WWOX: variants seen among roughly 807,000 people sequenced by gnomAD.
WWOX encodes WW domain containing oxidoreductase, also known as WW domain-containing oxidoreductase.
WWOX carries 69 observed loss-of-function variants against 46.2 expected under a neutral mutation model. The ratio of observed to expected loss-of-function variants is 1.49; its 90% CI spans 1.23 to 1.82. The LOEUF is 1.82. WWOX is among the 40% of genes most tolerant of loss of function. WWOX has a pLI of 0.00. For missense variants in WWOX, 919 were observed against 542.6 expected (o/e 1.69, Z -6.89); for synonymous variants, 359 against 202.6 (o/e 1.77, Z -6.56).
chr16:78,741,099 G>A (rs373119227), intron 8 of WWOX, among the ~76,000 whole-genome samples: 12 of 152,246 alleles, frequency 7.9e-5, no homozygotes, highest in African/African-American at 2.9e-4. Context: ...CTGAAACACA[G>A]TCATGCCTGT....
intron 8 of WWOX, among the ~76,000 whole-genome samples, chr16:78,751,436 A>T (rs1374804533): frequency 2.8e-5 from 4 of 140,506 alleles, no homozygotes; most frequent in Middle Eastern, 3.6e-3. Flanking sequence ...TATATTTATC[A>T]GATTATATAT....
At chr16:78,771,702 G>A (rs1003579125) in intron 8 of WWOX, among the ~76,000 whole-genome samples, 1 of 152,058 alleles carries the variant, frequency 6.6e-6, no homozygotes, top group African/African-American at 2.4e-5. Context: ...AGCCTAGGAG[G>A]TGGAGGTTGC....
chr16:78,742,203 A>T (rs752565701), intron 8 of WWOX, among the ~76,000 whole-genome samples: 5 of 152,202 alleles, frequency 3.3e-5, no homozygotes, highest in Non-Finnish European at 7.3e-5. Context: ...CAGTGTACAA[A>T]TACTAGGGGT....
chr16:79,020,029 C>A (rs748269582), intron 8 of WWOX, among the ~76,000 whole-genome samples: 5 of 152,206 alleles, frequency 3.3e-5, no homozygotes, highest in Non-Finnish European at 5.9e-5. Flanking sequence ...CATGCCTTAT[C>A]TGACATGTGG....
intron 8 of WWOX, among the ~76,000 whole-genome samples, chr16:78,680,998 C>T (rs1464039860): frequency 1.3e-5 from 2 of 152,052 alleles, no homozygotes; most frequent in East Asian, 1.9e-4. Flanking sequence ...CCTGTAATCC[C>T]AGCACTTTGG....
intron 5 of WWOX, among the ~76,000 whole-genome samples, chr16:78,243,371 A>G (rs1328192663): frequency 6.6e-6 from 1 of 152,082 alleles, no homozygotes; most frequent in Non-Finnish European, 1.5e-5. Flanking sequence ...CATTTTTTAA[A>G]AAACTTTAGT....
chr16:78,750,877 C>G lies in WWOX; in HGVS notation c.1056+318125C>G, dbSNP rs561588952. On this transcript the variant is annotated intron_variant, in intron 8 of 8. Coordinates refer to ENST00000566780, the MANE Select transcript of WWOX (RefSeq NM_016373.4). Reference sequence around the variant, plus strand: ...TCGTGGTGTATACGTACCACATTTTCTTTAACTAATCCACCATTGATGGGC... The same window carrying G: ...TCGTGGTGTATACGTACCACATTTTGTTTAACTAATCCACCATTGATGGGC... 5.3e-5 allele frequency among the ~76,000 whole-genome samples: 8 copies of G among 152,180 alleles called. No individual in the cohort carries two copies. The East Asian group carries it at 1.5e-3, about 29-fold the overall frequency.
intron 8 of WWOX, among the ~76,000 whole-genome samples, chr16:78,763,155 A>G (rs58730563): frequency 0.02 from 3,119 of 152,356 alleles, 105 homozygotes; most frequent in African/African-American, 0.071. Flanking sequence ...AAAGCGTTAC[A>G]GTCAAGGGCC....
intron 5 of WWOX, among the ~76,000 whole-genome samples, chr16:78,363,011 T>G (rs1388103720): frequency 6.6e-6 from 1 of 152,146 alleles, no homozygotes; most frequent in African/African-American, 2.4e-5. Context: ...GTTCCATGTG[T>G]AGGGGAGAAG....
chr16:78,442,792 C>A (rs1337793359), intron 8 of WWOX, among the ~76,000 whole-genome samples: 1 of 151,612 alleles, frequency 6.6e-6, no homozygotes, highest in Non-Finnish European at 1.5e-5. Flanking sequence ...CCAGCCTGGT[C>A]AACATTGCGA....
At chr16:78,669,296 G>A (rs1352782407) in intron 8 of WWOX, among the ~76,000 whole-genome samples, 1 of 152,226 alleles carries the variant, frequency 6.6e-6, no homozygotes, top group African/African-American at 2.4e-5. Flanking sequence ...CAATTGGTGG[G>A]ATGGATTTGT....
At position 79,139,873 on chromosome 16, in the gene WWOX, C is replaced by T. The variant is rs111561772; in HGVS notation, c.1057-71735C>T. Among the ~76,000 whole-genome samples, 935 of 152,236 alleles carry T rather than the reference C, an allele frequency of 6.1e-3. 8 individuals are homozygous for T. The highest frequency in any genetic ancestry group is 0.021 in the African/African-American group (877 of 41,544). Reference sequence around the variant, plus strand: ...ATACTAATTCTGTTACGTGTTATGGCGCATACCCAAGACCCTCCCCATAAA... The same window carrying T: ...ATACTAATTCTGTTACGTGTTATGGTGCATACCCAAGACCCTCCCCATAAA... On this transcript the variant is annotated intron_variant, in intron 8 of 8. Coordinates refer to ENST00000566780, the MANE Select transcript of WWOX (RefSeq NM_016373.4).
At chr16:78,718,817 T>C (rs2048627281) in intron 8 of WWOX, among the ~76,000 whole-genome samples, 2 of 152,152 alleles carry the variant, frequency 1.3e-5, no homozygotes, top group East Asian at 3.9e-4. Flanking sequence ...AATTATTCTA[T>C]TGGTTCCTTT....
chr16:78,706,126 T>G (rs930910898), intron 8 of WWOX, among the ~76,000 whole-genome samples: 4 of 151,012 alleles, frequency 2.6e-5, no homozygotes, highest in Admixed American at 6.7e-5. Flanking sequence ...ACAGCATGTT[T>G]ATAAAAATCA....
At chr16:78,887,518 C>CACATAT (rs1199309440) in intron 8 of WWOX, among the ~76,000 whole-genome samples, 2 of 147,340 alleles carry the variant, frequency 1.4e-5, no homozygotes, top group African/African-American at 5.1e-5. Context: ...CACACACACA[C>CACATAT]AAGAAATGAC....
intron 5 of WWOX, among the ~76,000 whole-genome samples, chr16:78,166,341 G>A (rs1179036265): frequency 1.3e-5 from 2 of 152,018 alleles, no homozygotes; most frequent in African/African-American, 4.8e-5. Context: ...TCCAAGCAAT[G>A]GTGTTTCACA....
intron 8 of WWOX, among the ~76,000 whole-genome samples, chr16:78,858,865 G>T (rs528849108): frequency 5.5e-4 from 83 of 151,028 alleles, no homozygotes; most frequent in African/African-American, 1.9e-3. Context: ...CTTTTTTGTA[G>T]TTGGGGTCTC....
At chr16:78,594,330 A>T (rs2045425770) in intron 8 of WWOX, among the ~76,000 whole-genome samples, 1 of 150,466 alleles carries the variant, frequency 6.6e-6, no homozygotes, top group African/African-American at 2.4e-5. Flanking sequence ...AATACTCTCC[A>T]GCAGCAAAAC....
intron 8 of WWOX, among the ~76,000 whole-genome samples, chr16:79,039,107 A>T (rs2047923179): frequency 1.3e-5 from 2 of 152,190 alleles, no homozygotes; most frequent in African/African-American, 4.8e-5. Context: ...CATTAAAAAA[A>T]ATTAAAGAAA....
Sources: gnomAD v4.1 joint callset for allele counts (sites outside exome capture counted in the v4.1 genomes callset) on GRCh38, gnomAD v4.1.1 for gene constraint, MANE v1.5 for transcripts, NCBI Gene and HGNC (gene_info 2026-07-23, HGNC 2026-07-21) for gene names.